The following TCF12 variants were observed in gnomAD, a reference collection of about 807,000 sequenced individuals.
TCF12 encodes the protein DNA-binding protein HTF4.
In TCF12, 45 loss-of-function variants were observed where a neutral mutation model predicts 86.0. The observed-to-expected ratio is 0.52, with a 90% CI of 0.41 to 0.67. The LOEUF is 0.67. Ranked by LOEUF, TCF12 falls within the 30% of genes least tolerant of loss-of-function variation. TCF12 has a pLI of 0.00. For synonymous variants in TCF12, 330 were observed against 299.6 expected, an observed-to-expected ratio of 1.10 and a Z score of -1.05; for missense variants, 881 against 859.9, an observed-to-expected ratio of 1.02 and a Z score of -0.31.
At chr15:57,203,347 ATTCT>A (rs1664703144) in intron 8 of TCF12, among the ~76,000 whole-genome samples, 1 of 151,738 alleles carries the variant, frequency 6.6e-6, no homozygotes, top group South Asian at 2.1e-4. Flanking sequence ...TTTGCTCTTT[ATTCT>A]TTATTTCTTA....
chr15:57,052,373 C>G (rs558037297), intron 3 of TCF12, among the ~76,000 whole-genome samples: 1 of 152,054 alleles, frequency 6.6e-6, no homozygotes, highest in African/African-American at 2.4e-5. Flanking sequence ...CTAGGCCGGG[C>G]GTGGTGGCAG....
At chr15:57,194,375 A>C (rs1351076249) in intron 7 of TCF12, among the ~76,000 whole-genome samples, 3 of 116,546 alleles carry the variant, frequency 2.6e-5, no homozygotes, top group Non-Finnish European at 6.6e-5. Flanking sequence ...AATTTGGCCA[A>C]GGCTTGAGTT....
At position 57,288,048 on chromosome 15, in the gene TCF12, C is replaced by A. The variant is rs1217936730; in HGVS notation, c.*1903C>A. 4.6e-5 allele frequency: 7 copies of A among 152,632 alleles called. No homozygotes were observed. Among genetic ancestry groups the A allele is most frequent in the Non-Finnish European group, 7.3e-5 (5 of 68,028 alleles). The allele number at this position is 152,632 out of a possible 1,614,324, so 9.5% of individuals were successfully genotyped here. A position where few individuals can be genotyped will look rare whatever the true frequency, so the allele number is the denominator to read the frequency against. Reference sequence around the variant, plus strand: ...AAAAAAACATTTGGCTTATTTTTCACTGTAGCTAGTCTTTTATACAATAAT... The same window carrying A: ...AAAAAAACATTTGGCTTATTTTTCAATGTAGCTAGTCTTTTATACAATAAT... On this transcript the variant is annotated 3_prime_UTR_variant, in exon 21 of 21. Coordinates refer to ENST00000333725, the MANE Select transcript of TCF12 (RefSeq NM_207037.2).
chr15:57,256,543 TCCCCACCCCCAC>T (rs879649715), intron 16 of TCF12, among the ~76,000 whole-genome samples: 1 of 138,160 alleles, frequency 7.2e-6, no homozygotes, highest in Admixed American at 7.6e-5. Context: ...TGGAATCGAT[TCCCCACCCCCAC>T]CCCCACCCCG....
intron 8 of TCF12, among the ~76,000 whole-genome samples, chr15:57,228,653 A>G (rs1472828003): frequency 6.6e-6 from 1 of 152,014 alleles, no homozygotes; most frequent in Non-Finnish European, 1.5e-5. Flanking sequence ...TCTGATCAGC[A>G]TATTCTCTTT....
At chr15:56,974,216 C>G (rs1341625912) in intron 3 of TCF12, among the ~76,000 whole-genome samples, 1 of 152,006 alleles carries the variant, frequency 6.6e-6, no homozygotes, top group Non-Finnish European at 1.5e-5. Flanking sequence ...AGGAAACACA[C>G]TGAAATATAT....
intron 3 of TCF12, among the ~76,000 whole-genome samples, chr15:56,999,624 A>C (rs910808786): frequency 6.6e-6 from 1 of 152,150 alleles, no homozygotes; most frequent in African/African-American, 2.4e-5. Context: ...CTGTAATCCC[A>C]GCACTTTGGG....
chr15:57,125,195 T>C lies in TCF12; in HGVS notation c.325+33304T>C, dbSNP rs181578213. ...CGTTATGAAAAATTACTTGGAACTT[T>C]TATATGCAGGGAAACCTAAGAAAAC... On this transcript the variant is annotated intron_variant, in intron 5 of 20. Transcript: ENST00000333725. Among the ~76,000 whole-genome samples the C allele has an allele frequency of 9.2e-5, 14 of 152,272 alleles. No homozygotes were observed. In the East Asian group the frequency reaches 1.2e-3, roughly 13 times the overall value.
At chr15:56,995,231 C>CTGTTTTTTT (rs2063645591) in intron 3 of TCF12, among the ~76,000 whole-genome samples, 1 of 30,280 alleles carries the variant, frequency 3.3e-5, no homozygotes, top group Non-Finnish European at 6.2e-5. Flanking sequence ...ATACCTGCAG[C>CTGTTTTTTT]TTTTTTTTTT....
At chr15:57,219,390 A>T (rs550829117) in intron 8 of TCF12, 1 of 1,331,200 alleles carries the variant, frequency 7.5e-7, no homozygotes. Context: ...CCTATTTTGC[A>T]TAAGTTCCTT....
At chr15:57,058,864 A>G (rs187981291) in intron 3 of TCF12, among the ~76,000 whole-genome samples, 10 of 152,336 alleles carry the variant, frequency 6.6e-5, no homozygotes, top group Non-Finnish European at 8.8e-5. Context: ...TAAAATGTGA[A>G]AAATACAATA....
rs556156756 is a variant in TCF12 at position 57,178,896 on chromosome 15, C to T, written c.390+12430C>T. Among the ~76,000 whole-genome samples, 7 of 152,168 alleles carry T rather than the reference C, an allele frequency of 4.6e-5. No homozygotes were observed. The South Asian group carries it at 1.4e-3, about 32-fold the overall frequency. ...CATATTTGTAATTATTCAAATATTG[C>T]ATATATTAAAATGACATTTAGCTTG... On this transcript the variant is annotated intron_variant, in intron 6 of 20. Transcript: ENST00000333725.
At chr15:57,190,450 G>A (rs1313904845) in intron 6 of TCF12, among the ~76,000 whole-genome samples, 2 of 152,130 alleles carry the variant, frequency 1.3e-5, no homozygotes, top group African/African-American at 2.4e-5. Context: ...AGAGTATGGT[G>A]ATGGCAGTAA....
At chr15:57,063,662 C>G (rs1165140965) in intron 3 of TCF12, 88 bp from the exon 4 acceptor site, 2 of 1,047,002 alleles carry the variant, frequency 1.9e-6, no homozygotes, top group Non-Finnish European at 1.4e-6. Context: ...GCAAATACCA[C>G]TTGCTAAATT....
chr15:57,100,716 A>G (rs2049680180), intron 5 of TCF12, among the ~76,000 whole-genome samples: 2 of 152,178 alleles, frequency 1.3e-5, no homozygotes, highest in Admixed American at 1.3e-4. Flanking sequence ...AGGGGGAGGT[A>G]TTCCTGGTAC....
chr15:56,918,312 T>A (rs2059593316), upstream of TCF12: 1 of 453,944 alleles, frequency 2.2e-6, no homozygotes, highest in Non-Finnish European at 4.4e-6. Flanking sequence ...GTCGCTCCGC[T>A]TCGGGGGCCG....
chr15:56,999,730 T>C (rs2063912949), intron 3 of TCF12, among the ~76,000 whole-genome samples: 1 of 151,890 alleles, frequency 6.6e-6, no homozygotes, highest in African/African-American at 2.4e-5. Flanking sequence ...AAAAATTAGC[T>C]GGGCGTGGTG....
intron 6 of TCF12, among the ~76,000 whole-genome samples, chr15:57,181,430 A>T (rs1489152457): frequency 1.3e-4 from 1 of 7,992 alleles, no homozygotes; most frequent in African/African-American, 5.0e-4. Context: ...AAATTATAGC[A>T]GTATGATTCT....
At chr15:57,164,565 A>G (rs1272026298) in intron 5 of TCF12, among the ~76,000 whole-genome samples, 2 of 152,146 alleles carry the variant, frequency 1.3e-5, no homozygotes, top group South Asian at 2.1e-4. Context: ...GTTACCTCCC[A>G]CCAGGTCCCT....
Sources: allele counts gnomAD v4.1 joint callset (sites outside exome capture counted in the v4.1 genomes callset), GRCh38; gene constraint gnomAD v4.1.1; transcripts MANE v1.5; gene names NCBI Gene and HGNC (gene_info 2026-07-23, HGNC 2026-07-21).